The following UACA variants were observed in gnomAD, a reference collection of about 807,000 sequenced individuals.
UACA encodes the protein nuclear membrane binding protein.
In UACA, 112 loss-of-function variants were observed where a neutral mutation model predicts 160.5. The observed-to-expected ratio is 0.70, with a 90% CI of 0.60 to 0.82. UACA has a LOEUF of 0.82. Ranked by LOEUF, UACA falls within the 40% of genes least tolerant of loss-of-function variation. The pLI, the probability that UACA is intolerant of heterozygous loss-of-function variation, is 0.00. For synonymous variants in UACA, 557 were observed against 568.4 expected (o/e 0.98, Z 0.29); for missense variants, 1,574 against 1,614.6 (o/e 0.97, Z 0.43).
rs575135370 is a variant in UACA at position 70,687,644 on chromosome 15, G to A, written c.498C>T (p.Asp166=). The change falls in exon 7 of 19, where the codon GAC becomes GAT. Residue 166 remains aspartate, a splice_region_variant and synonymous_variant. Transcript: ENST00000322954. ...TAGCCAGAACAAGTGGTGTCCGCCC[G>A]TCCTAAGCAACAGGAAAAATAAAAC... is the stretch of plus-strand genomic sequence containing the variant. ...HGASVNAKDV[D]GRTPLVLATQ... The A allele has an allele frequency of 5.9e-5, 95 of 1,613,818 alleles. 1 individual carries two copies. Among genetic ancestry groups the A allele is most frequent in the South Asian group, 4.7e-4 (43 of 91,056 alleles).
At chr15:70,707,090 T>C (rs1400906266) in intron 1 of UACA, among the ~76,000 whole-genome samples, 3 of 152,136 alleles carry the variant, frequency 2.0e-5, no homozygotes, top group Non-Finnish European at 2.9e-5. Flanking sequence ...AAGACAGACA[T>C]ATAGACCAGT....
intron 1 of UACA, among the ~76,000 whole-genome samples, chr15:70,742,212 C>G (rs989139654): frequency 3.3e-5 from 5 of 152,162 alleles, no homozygotes; most frequent in Non-Finnish European, 7.3e-5. Context: ...ATAATAGGCA[C>G]AAATCCTTTC....
At chr15:70,757,891 C>G (rs1433119754) in intron 1 of UACA, among the ~76,000 whole-genome samples, 1 of 152,188 alleles carries the variant, frequency 6.6e-6, no homozygotes, top group African/African-American at 2.4e-5. Context: ...CCAAGTTCAT[C>G]CTCCACACTT....
intron 8 of UACA, among the ~76,000 whole-genome samples, chr15:70,683,467 C>T (rs1339629305): frequency 6.6e-6 from 1 of 152,116 alleles, no homozygotes; most frequent in African/African-American, 2.4e-5. Flanking sequence ...CTCAGTGATT[C>T]AATTTCTAGG....
intron 1 of UACA, among the ~76,000 whole-genome samples, chr15:70,714,673 A>G (rs1898775956): frequency 6.6e-6 from 1 of 152,212 alleles, no homozygotes; most frequent in Non-Finnish European, 1.5e-5. Flanking sequence ...ATCTGAAAAA[A>G]AAAATTGAAG....
At position 70,668,078 on chromosome 15, in the gene UACA, T is replaced by C. The variant is rs1055238133; in HGVS notation, c.2606A>G (p.Lys869Arg). 1.2e-6 allele frequency: 2 copies of C among 1,613,482 alleles called. No individual in the cohort carries two copies. Among genetic ancestry groups the C allele is most frequent in the African/African-American group, 1.3e-5 (1 of 74,936 alleles). ...GGCTAACGTGTCATTCAGTGTCATT[T>C]TAACCTCTTCATGGGTTTTAACTGG... ...YVPVKTHEEV[K>R]MTLNDTLAKT... Residue 869 changes from lysine (K) to arginine (R), a missense_variant, in exon 16 of 19, where the codon AAA becomes AGA. By Grantham distance (26) the Lys-to-Arg change is conservative. Coordinates refer to ENST00000322954, the MANE Select transcript of UACA (RefSeq NM_018003.4).
the UACA span, among the ~76,000 whole-genome samples, chr15:70,769,231 C>T: frequency 6.7e-6 from 1 of 148,388 alleles, no homozygotes; most frequent in Non-Finnish European, 1.5e-5. Flanking sequence ...GATAGCTACT[C>T]AGGAGGCTGA....
chr15:70,705,094 A>G lies in UACA; in HGVS notation c.79-5434T>C, dbSNP rs1358958716. On this transcript the variant is annotated intron_variant, in intron 1 of 18. Coordinates refer to ENST00000322954, the MANE Select transcript of UACA (RefSeq NM_018003.4). The stretch of plus-strand genomic sequence containing the variant: ...TATTGTTACGGGCGCATACTCCTAA[A>G]TTAGGTTTTCAATCTTGCCTATCTA... Among the ~76,000 whole-genome samples, 3 of 152,290 alleles carry G rather than the reference A, an allele frequency of 2.0e-5. No individual in the cohort carries two copies. The East Asian group carries it at 5.8e-4, about 29-fold the overall frequency.
chr15:70,699,975 C>T (rs1246151914), intron 1 of UACA, among the ~76,000 whole-genome samples: 3 of 152,064 alleles, frequency 2.0e-5, no homozygotes, highest in African/African-American at 4.8e-5. Context: ...AACACCTACC[C>T]TGTACCAGGC....
intron 14 of UACA, 135 bp from the exon 15 acceptor site, chr15:70,671,226 C>G (rs933520159): frequency 1.9e-5 from 10 of 513,808 alleles, no homozygotes; most frequent in Non-Finnish European, 3.1e-5. Context: ...TATCCTCATT[C>G]TAAAATACCC....
intron 1 of UACA, chr15:70,703,247 T>C: frequency 1.6e-6 from 2 of 1,287,902 alleles, no homozygotes; most frequent in Non-Finnish European, 2.0e-6. Context: ...ACACTTCCTC[T>C]AAAAAGACAC....
rs191681799 is a variant in UACA, at chr15:70,749,399, G to A, written c.78+13931C>T. 135 of 184,488 alleles carry A rather than the reference G, an allele frequency of 7.3e-4. 3 individuals are homozygous for A. In the East Asian group the frequency reaches 0.021, roughly 29 times the overall value. 11.4% of individuals were successfully genotyped at this position (184,488 alleles called of 1,614,324 possible). A position where few individuals can be genotyped will look rare whatever the true frequency, so the allele number is the denominator to read the frequency against. The stretch of plus-strand genomic sequence containing the variant: ...AAATTAGCCGGGCGCGGTGGCGGGC[G>A]CCTGTAGTCCCAGCTACTTGGGAGG... On this transcript the variant is annotated intron_variant, in intron 1 of 18. Transcript: ENST00000322954.
chr15:70,712,169 A>G (rs1185756324), intron 1 of UACA, among the ~76,000 whole-genome samples: 2 of 150,792 alleles, frequency 1.3e-5, no homozygotes, highest in Non-Finnish European at 2.9e-5. Context: ...TCCTACTCCA[A>G]GTTTCATTAA....
intron 1 of UACA, among the ~76,000 whole-genome samples, chr15:70,735,987 T>G (rs1899352177): frequency 6.6e-6 from 1 of 152,164 alleles, no homozygotes; most frequent in South Asian, 2.1e-4. Flanking sequence ...AAAACAAAGA[T>G]TTTTAAAAAA....
At chr15:70,679,374 G>A (rs1181964765) in intron 10 of UACA, among the ~76,000 whole-genome samples, 1 of 150,500 alleles carries the variant, frequency 6.6e-6, no homozygotes, top group Non-Finnish European at 1.5e-5. Flanking sequence ...CTGCACTCCA[G>A]CCTGGGCAAC....
chr15:70,769,081 C>T, the UACA span, among the ~76,000 whole-genome samples: 12 of 151,828 alleles, frequency 7.9e-5, no homozygotes, highest in African/African-American at 1.2e-4. Flanking sequence ...CTTTCGGGCC[C>T]GGCGCGGTGG....
intron 1 of UACA, chr15:70,754,176 A>T: frequency 2.2e-6 from 1 of 455,920 alleles, no homozygotes; most frequent in Non-Finnish European, 4.4e-6. Context: ...TGGTTGAGAC[A>T]TTCACCTGCG....
intron 1 of UACA, among the ~76,000 whole-genome samples, chr15:70,738,005 T>C (rs192960520): frequency 2.6e-4 from 39 of 152,316 alleles, no homozygotes; most frequent in African/African-American, 9.4e-4. Flanking sequence ...TTCCTACATC[T>C]TTCCGGGACT....
intron 2 of UACA, among the ~76,000 whole-genome samples, chr15:70,697,687 C>T (rs1194318028): frequency 6.6e-6 from 1 of 152,080 alleles, no homozygotes. Context: ...ATACAACATG[C>T]TTTAATTAAG....
Sources: gnomAD v4.1 joint callset for allele counts (sites outside exome capture counted in the v4.1 genomes callset) on GRCh38, gnomAD v4.1.1 for gene constraint, MANE v1.5 for transcripts, NCBI Gene and HGNC (gene_info 2026-07-23, HGNC 2026-07-21) for gene names.